The following UGT1A7 variants were observed in gnomAD, a reference collection of about 807,000 sequenced individuals.
The protein encoded by UGT1A7 is UDP-glucuronosyltransferase 1A7.
A neutral mutation model predicts 45.6 loss-of-function variants in UGT1A7; 33 were observed. That is an observed-to-expected ratio of 0.72 (90% confidence interval 0.55 to 0.97). The LOEUF (loss-of-function observed/expected upper bound fraction) is 0.97. Ranked by LOEUF, UGT1A7 falls within the 50% of genes least tolerant of loss-of-function variation. The pLI is 0.00. For synonymous variants in UGT1A7, 274 were observed against 250.6 expected, an observed-to-expected ratio of 1.09 and a Z score of -0.88; for missense variants, 684 against 666.2, an observed-to-expected ratio of 1.03 and a Z score of -0.29.
In UGT1A7 at chr2:233,767,076, G is replaced by A. The variant is rs770930440; in HGVS notation, c.898G>A (p.Val300Met). The A allele has an allele frequency of 8.1e-6, 13 of 1,614,020 alleles. No individual in the cohort carries two copies. The highest frequency in any genetic ancestry group is 1.6e-4 in the Middle Eastern group (1 of 6,082). ...TAATGCTTCTGGAGAACATGGAATT[G>A]TGGTTTTCTCTTTGGGATCAATGGT... is the stretch of plus-strand genomic sequence containing the variant. ...YINASGEHGI[V>M]VFSLGSMVSE... is the part of the protein sequence containing the mutation. The change falls in exon 2 of 5, where the codon GTG becomes ATG. Residue 300 changes from valine (V) to methionine (M), a missense_variant. Val to Met is a conservative substitution (Grantham distance 21). Coordinates refer to ENST00000373426, the MANE Select transcript of UGT1A7 (RefSeq NM_019077.3).
At chr2:233,756,158 TC>T (rs1469435732) in intron 1 of UGT1A7, 1 of 152,264 alleles carries the variant, frequency 6.6e-6, no homozygotes, top group Non-Finnish European at 1.5e-5. Flanking sequence ...CCCTAGGATT[TC>T]CTGGCTCATA....
At chr2:233,754,258 T>C in intron 1 of UGT1A7, 1 of 170,430 alleles carries the variant, frequency 5.9e-6, no homozygotes, top group Middle Eastern at 2.9e-3. Context: ...CGGAAAAAGG[T>C]AAGGCTCAAA....
intron 2 of UGT1A7, 151 bp downstream of exon 2, chr2:233,767,316 TG>T: frequency 6.7e-7 from 1 of 1,493,284 alleles, no homozygotes; most frequent in Non-Finnish European, 8.8e-7. Flanking sequence ...TTTTTTTTGT[TG>T]TTGTGGTTGT....
intron 1 of UGT1A7, among the ~76,000 whole-genome samples, chr2:233,687,003 T>C (rs2074816550): frequency 2.0e-5 from 3 of 152,210 alleles, no homozygotes; most frequent in South Asian, 2.1e-4. Context: ...GTTTCAACAC[T>C]AGAGGACTTT....
intron 1 of UGT1A7, among the ~76,000 whole-genome samples, chr2:233,724,174 C>A (rs2077183841): frequency 8.0e-6 from 1 of 125,722 alleles, no homozygotes; most frequent in South Asian, 2.8e-4. Flanking sequence ...ACCCCCCCAT[C>A]TCCCTCCCGG....
intron 1 of UGT1A7, among the ~76,000 whole-genome samples, chr2:233,749,248 A>AT (rs1216234192): frequency 2.0e-5 from 3 of 151,926 alleles, no homozygotes; most frequent in East Asian, 1.9e-4. Flanking sequence ...AAACCACATG[A>AT]TTTTTTTATT....
At chr2:233,685,191 A>G (rs186817680) in intron 1 of UGT1A7, among the ~76,000 whole-genome samples, 6 of 152,148 alleles carry the variant, frequency 3.9e-5, no homozygotes, top group African/African-American at 1.4e-4. Flanking sequence ...AGAACATTAA[A>G]ACGGTTTTGT....
chr2:233,704,212 A>G (rs533742859), intron 1 of UGT1A7, among the ~76,000 whole-genome samples: 2 of 141,756 alleles, frequency 1.4e-5, no homozygotes, highest in East Asian at 4.1e-4. Flanking sequence ...TTTATGCTCT[A>G]TATCTCTCAT....
chr2:233,772,291 G>A lies in UGT1A7; in HGVS notation c.1325G>A (p.Ser442Asn), dbSNP rs1248654212. 6.2e-7 allele frequency: 1 copy of A among 1,614,228 alleles called. No individual in the cohort carries two copies. The highest frequency in any genetic ancestry group is 1.1e-5 in the South Asian group (1 of 91,084). The change falls in exon 5 of 5, where the codon AGC becomes AAC. Residue 442 changes from serine (S) to asparagine (N), a missense_variant. Ser to Asn is a conservative substitution (Grantham distance 46, BLOSUM62 1). Transcript: ENST00000373426. ...SYKENIMRLS[S>N]LHKDRPVEPL... ...AAGGAGAACATCATGCGCCTCTCCAGCCTTCACAAGGACCGCCCGGTGGAG... is the reference window on the plus strand; with the variant it reads ...AAGGAGAACATCATGCGCCTCTCCAACCTTCACAAGGACCGCCCGGTGGAG...
intron 1 of UGT1A7, chr2:233,719,082 G>C: frequency 6.2e-7 from 1 of 1,614,280 alleles, no homozygotes; most frequent in Non-Finnish European, 8.5e-7. Flanking sequence ...GACCCAGAAG[G>C]AATTTGATCG....
chr2:233,701,652 C>T (rs1426391731), intron 1 of UGT1A7, among the ~76,000 whole-genome samples: 1 of 152,198 alleles, frequency 6.6e-6, no homozygotes. Flanking sequence ...GTCTCTCAGA[C>T]CACAGTGCAA....
rs533644543 is a variant in UGT1A7 at position 233,772,493 on chromosome 2, T to C, written c.1527T>C (p.Tyr509=). 6.2e-7 allele frequency: 1 copy of C among 1,614,152 alleles called. No individual in the cohort carries two copies. The highest frequency in any genetic ancestry group is 2.2e-5 in the East Asian group (1 of 44,874). The change falls in exon 5 of 5, where the codon TAT becomes TAC. Residue 509 remains tyrosine (Y), a synonymous_variant. Transcript: ENST00000373426. Reference sequence around the variant, plus strand: ...TCATCACCTTTAAATGTTGTGCTTATGGCTACCGGAAATGCTTGGGGAAAA... The same window carrying C: ...TCATCACCTTTAAATGTTGTGCTTACGGCTACCGGAAATGCTTGGGGAAAA... The part of the protein sequence containing the change: ...VAFITFKCCA[Y]GYRKCLGKKG...
chr2:233,695,414 G>A (rs536315425), intron 1 of UGT1A7, among the ~76,000 whole-genome samples: 97 of 145,054 alleles, frequency 6.7e-4, no homozygotes, highest in African/African-American at 2.3e-3. Flanking sequence ...GTGAGCTACC[G>A]CGCCCGGCCT....
At chr2:233,728,227 T>C (rs576517888) in intron 1 of UGT1A7, among the ~76,000 whole-genome samples, 6 of 152,272 alleles carry the variant, frequency 3.9e-5, no homozygotes, top group African/African-American at 1.4e-4. Flanking sequence ...ACCATAATCT[T>C]CAGGATGAAA....
chr2:233,684,670 C>T (rs1575433301), intron 1 of UGT1A7, among the ~76,000 whole-genome samples: 1 of 151,890 alleles, frequency 6.6e-6, no homozygotes, highest in African/African-American at 2.4e-5. Flanking sequence ...AAGGAATATA[C>T]ATATGATAGG....
intron 1 of UGT1A7, chr2:233,690,465 T>C: frequency 1.6e-6 from 2 of 1,289,152 alleles, no homozygotes; most frequent in African/African-American, 3.0e-5. Context: ...CCAGCTATCC[T>C]CCATTTACTT....
At chr2:233,683,760 A>G (rs2074649799) in intron 1 of UGT1A7, among the ~76,000 whole-genome samples, 1 of 152,144 alleles carries the variant, frequency 6.6e-6, no homozygotes, top group Admixed American at 6.5e-5. Flanking sequence ...ACTATGCATA[A>G]TTAATGTACT....
intron 1 of UGT1A7, among the ~76,000 whole-genome samples, chr2:233,748,687 A>G (rs1421247794): frequency 6.6e-6 from 1 of 151,492 alleles, no homozygotes; most frequent in Non-Finnish European, 1.5e-5. Flanking sequence ...CTGACAAAAG[A>G]TTTTTCTGGT....
At chr2:233,762,380 T>C (rs1370857903) in intron 1 of UGT1A7, among the ~76,000 whole-genome samples, 1 of 152,256 alleles carries the variant, frequency 6.6e-6, no homozygotes, top group Non-Finnish European at 1.5e-5. Context: ...AATATGTATA[T>C]AGAAACATAT....
Sources: allele counts gnomAD v4.1 joint callset (sites outside exome capture counted in the v4.1 genomes callset), GRCh38; gene constraint gnomAD v4.1.1; transcripts MANE v1.5; gene names NCBI Gene and HGNC (gene_info 2026-07-23, HGNC 2026-07-21).